The following NLRX1 variants were observed in gnomAD, a reference collection of about 807,000 sequenced individuals.
NLRX1 encodes NLR family member X1.
A neutral mutation model predicts 74.2 loss-of-function variants in NLRX1; 67 were observed. The observed-to-expected ratio is 0.90, with a 90% CI of 0.74 to 1.11. The LOEUF is 1.11. Among genes scored for constraint, NLRX1 ranks in the 50% least tolerant of loss-of-function variants. NLRX1 has a pLI of 0.00. For missense variants in NLRX1, 1,191 were observed against 1,305.4 expected (o/e 0.91, Z 1.35); for synonymous variants, 506 against 559.1 (o/e 0.91, Z 1.34).
At chr11:119,170,662 A>C (rs1948518841) in intron 1 of NLRX1, among the ~76,000 whole-genome samples, 1 of 152,232 alleles carries the variant, frequency 6.6e-6, no homozygotes, top group South Asian at 2.1e-4. Flanking sequence ...ATATCTGCGG[A>C]AGAAAGGCAG....
Position 119,175,259 on chromosome 11 carries a change from C to T in NLRX1, c.1656C>T (p.Leu552=), listed in dbSNP as rs199476048. ...KLLPLRALPL[L]FNLIKVVPRV... ...TGCCTCTGCGGGCTCTGCCTCTGCT[C>T]TTCAACCTGATCAAGGTAACATCCC... The change falls in exon 6 of 10, where the codon CTC becomes CTT. Residue 552 remains leucine (L), a synonymous_variant. Coordinates refer to ENST00000409109, the MANE Select transcript of NLRX1 (RefSeq NM_001282144.2). The T allele has an allele frequency of 7.1e-5, 115 of 1,613,516 alleles. No individual in the cohort carries two copies. In the East Asian group the frequency reaches 2.1e-3, roughly 30 times the overall value.
rs369693127 is a variant in NLRX1 at position 119,175,141 on chromosome 11, C to T, written c.1538C>T (p.Thr513Met). ...ALYIVLGLRK[T>M]TLQKVGKEVA... ...TACATTGTGCTGGGTTTGCGCAAGA[C>T]GACCCTGCAAAAGGTGGGCAAGGAA... Residue 513 changes from threonine (T) to methionine (M), a missense_variant, in exon 6 of 10, where the codon ACG (threonine) becomes ATG (methionine). Transcript: ENST00000409109. 87 of 1,614,210 alleles carry T rather than the reference C, an allele frequency of 5.4e-5. No individual in the cohort carries two copies. In the Middle Eastern group the frequency reaches 6.6e-4, roughly 12 times the overall value.
chr11:119,177,474 A>C (rs1468003620), intron 6 of NLRX1, among the ~76,000 whole-genome samples: 1 of 151,656 alleles, frequency 6.6e-6, no homozygotes, highest in East Asian at 2.0e-4. Context: ...CTAAAAATAC[A>C]AAAATTAGCC....
chr11:119,182,132 T>A lies in NLRX1; in HGVS notation c.2393T>A (p.Val798Glu). The change falls in exon 9 of 10, where the codon GTG becomes GAG. Residue 798 changes from valine to glutamate, a missense_variant. Val to Glu is a moderately radical substitution (Grantham distance 121, BLOSUM62 -2). Transcript: ENST00000409109. ...NNPLTAAGVA[V>E]LMEGLAGNTS... ...CCGCTGACGGCGGCAGGTGTTGCCG[T>A]GCTAATGGAGGGGCTGGCAGGAAAC... 1 of 1,614,072 alleles carries A rather than the reference T, an allele frequency of 6.2e-7. No homozygotes were observed. Among genetic ancestry groups the A allele is most frequent in the Non-Finnish European group, 8.5e-7 (1 of 1,180,012 alleles).
intron 6 of NLRX1, among the ~76,000 whole-genome samples, chr11:119,179,443 C>A (rs768090053): frequency 1.1e-4 from 17 of 152,016 alleles, no homozygotes; most frequent in Admixed American, 3.9e-4. Context: ...TTAGGTGACA[C>A]AGCAAGACCC....
chr11:119,174,783 C>G lies in NLRX1; in HGVS notation c.1180C>G (p.Leu394Val), dbSNP rs758062998. The G allele has an allele frequency of 1.9e-6, 3 of 1,613,884 alleles. No individual in the cohort carries two copies. In the Admixed American group the frequency reaches 5.0e-5, roughly 27 times the overall value. Reference sequence around the variant, plus strand: ...TGCCCCCACGCCTGCTGGGCAGACCCTTACAAGCATCTATACCAGCTTCCT... The same window carrying G: ...TGCCCCCACGCCTGCTGGGCAGACCGTTACAAGCATCTATACCAGCTTCCT... ...LHAPTPAGQT[L>V]TSIYTSFLRL... The change falls in exon 6 of 10, where the codon CTT becomes GTT. Residue 394 changes from leucine to valine, a missense_variant. Leu to Val is a conservative substitution (Grantham distance 32). Coordinates refer to ENST00000409109, the MANE Select transcript of NLRX1 (RefSeq NM_001282144.2).
In NLRX1 at chr11:119,179,563, G is replaced by A. The variant is rs1031720436; in HGVS notation, c.1672-130G>A. On this transcript the variant is annotated intron_variant, in intron 6 of 9. Transcript: ENST00000409109. ...TCGCAGCAGGGGAGTAGCATGATCA[G>A]ACAAATTATGCTAAGTTCAAGGGGA... 9 of 760,130 alleles carry A rather than the reference G, an allele frequency of 1.2e-5. No individual in the cohort carries two copies. The African/African-American group carries it at 1.4e-4, about 12-fold the overall frequency. The allele number at this position is 760,130 out of a possible 1,614,324, so 47.1% of individuals were successfully genotyped here. A position where few individuals can be genotyped will look rare whatever the true frequency, so the allele number is the denominator to read the frequency against.
rs530635946 is a variant in NLRX1, at chr11:119,183,727, C to T, written c.*288C>T. ...TGTGGCATTTGGATGGCCAGAGTGC[C>T]CTGAAGCACCACTACCAACCTTGCC... On this transcript the variant is annotated 3_prime_UTR_variant, in exon 10 of 10. Coordinates refer to ENST00000409109, the MANE Select transcript of NLRX1 (RefSeq NM_001282144.2). The surrounding 1 kb of genome is among the most constrained non-coding windows in gnomAD (Gnocchi z 5.7). 4.0e-4 allele frequency: 309 copies of T among 775,084 alleles called. 5 individuals are homozygous for T. The South Asian group carries it at 4.1e-3, about 10-fold the overall frequency. 48.0% of individuals were successfully genotyped at this position (775,084 alleles called of 1,614,324 possible). A position where few individuals can be genotyped will look rare whatever the true frequency, so the allele number is the denominator to read the frequency against.
chr11:119,174,647 C>T lies in NLRX1; in HGVS notation c.1044C>T (p.Asp348=), dbSNP rs1440991258. ...TCTCTGCCACACCAGCTCAGCGTGA[C>T]CACCTGGTGCAGATGCTCTCCCGGA... ...SGVSATPAQR[D]HLVQMLSRNL... is the part of the protein sequence containing the mutation. Residue 348 remains aspartate, a synonymous_variant, in exon 6 of 10, where the codon GAC becomes GAT. Coordinates refer to ENST00000409109, the MANE Select transcript of NLRX1 (RefSeq NM_001282144.2). The T allele has an allele frequency of 1.2e-6, 2 of 1,614,050 alleles. No individual in the cohort carries two copies. The highest frequency in any genetic ancestry group is 1.1e-5 in the South Asian group (1 of 91,086).
intron 8 of NLRX1, chr11:119,181,478 TA>T: frequency 1.9e-6 from 1 of 536,220 alleles, no homozygotes; most frequent in Non-Finnish European, 3.4e-6. Flanking sequence ...CTCACGTGGC[TA>T]AAATCAGCCT....
rs114603748 is a variant in NLRX1 at position 119,180,360 on chromosome 11, T to G, written c.2267+72T>G. On this transcript the variant is annotated intron_variant, in intron 7 of 9. Transcript: ENST00000409109. ...GAGGTGAAGAAGTGGGAAAAGAAAG[T>G]GCCAGGGAAACCAGAGGTACCGATG... is the stretch of plus-strand genomic sequence containing the variant. 2,376 of 1,286,060 alleles carry G rather than the reference T, an allele frequency of 1.8e-3. 38 individuals carry two copies. The African/African-American group carries it at 0.032, about 17-fold the overall frequency. The allele number at this position is 1,286,060 out of a possible 1,614,324, so 79.7% of individuals were successfully genotyped here.
chr11:119,172,980 T>C lies in NLRX1; in HGVS notation c.220T>C (p.Ser74Pro). 6.2e-7 allele frequency: 1 copy of C among 1,613,320 alleles called. No homozygotes were observed. Among genetic ancestry groups the C allele is most frequent in the Non-Finnish European group, 8.5e-7 (1 of 1,179,558 alleles). ...GCATGGACGGCTGTTCCCCAGCGCCTCTGCAACTGGTAAAGGGACTGGCTG... is the reference window on the plus strand; with the variant it reads ...GCATGGACGGCTGTTCCCCAGCGCCCCTGCAACTGGTAAAGGGACTGGCTG... ...GRHGRLFPSA[S>P]ATEAIQRHRR... The change falls in exon 4 of 10, where the codon TCT becomes CCT. Residue 74 changes from serine to proline, a missense_variant. Ser to Pro is a moderately conservative substitution (Grantham distance 74, BLOSUM62 -1). Transcript: ENST00000409109.
rs950696257 is a variant in NLRX1, at chr11:119,179,882, G to A, written c.1861G>A (p.Glu621Lys). 2 of 1,613,208 alleles carry A rather than the reference G, an allele frequency of 1.2e-6. No homozygotes were observed. The highest frequency in any genetic ancestry group is 1.3e-5 in the African/African-American group (1 of 74,900). Residue 621 changes from glutamate to lysine, a missense_variant, in exon 7 of 10, where the codon GAG becomes AAG. Transcript: ENST00000409109. ...TGAGCCCCCTGAGGATGAAGTCTTCGAGCTCTTCCCCATGTTCATGGGGGG... is the reference window on the plus strand; with the variant it reads ...TGAGCCCCCTGAGGATGAAGTCTTCAAGCTCTTCCCCATGTTCATGGGGGG... ...PDEPPEDEVF[E>K]LFPMFMGGLL...
chr11:119,182,274 CG>C lies in NLRX1; in HGVS notation c.2537del (p.Gly846ValfsTer30). The C allele has an allele frequency of 6.2e-7, 1 of 1,613,664 alleles. No homozygotes were observed. The highest frequency in any genetic ancestry group is 8.5e-7 in the Non-Finnish European group (1 of 1,180,034). Reference protein sequence around the residue: ...QLQELNVAYNGAGDTAALALA... With the variant: ...QLQELNVAYNXAGDTAALALA... ...TGCAGGAGCTGAACGTGGCGTACAACGGTGCTGGTGACACAGCGGCCCTGGC... is the reference window on the plus strand; with the variant it reads ...TGCAGGAGCTGAACGTGGCGTACAACGTGCTGGTGACACAGCGGCCCTGGC... On this transcript the variant is annotated frameshift_variant, in exon 9 of 10. Transcript: ENST00000409109. LOFTEE classifies it high-confidence loss of function.
At chr11:119,182,432 TCTGGGC>T (rs1555222193) in intron 9 of NLRX1, 87 bp downstream of exon 9, 1 of 1,528,938 alleles carries the variant, frequency 6.5e-7, no homozygotes, top group Non-Finnish European at 8.8e-7. Flanking sequence ...AGGGAGTGCT[TCTGGGC>T]CTGGGCCTGG....
intron 6 of NLRX1, among the ~76,000 whole-genome samples, chr11:119,175,943 A>G (rs926490511): frequency 1.3e-5 from 2 of 151,976 alleles, no homozygotes; most frequent in African/African-American, 4.8e-5. Flanking sequence ...TTTTCACATT[A>G]CTCCTGGAAA....
In NLRX1 at chr11:119,182,130, C is replaced by T. The variant is rs766202444; in HGVS notation, c.2391C>T (p.Ala797=). ...SNNPLTAAGV[A]VLMEGLAGNT... ...ACCCGCTGACGGCGGCAGGTGTTGC[C>T]GTGCTAATGGAGGGGCTGGCAGGAA... Residue 797 remains alanine (A), a synonymous_variant, in exon 9 of 10, where the codon GCC becomes GCT. Coordinates refer to ENST00000409109, the MANE Select transcript of NLRX1 (RefSeq NM_001282144.2). 2.0e-5 allele frequency: 33 copies of T among 1,614,158 alleles called. No individual in the cohort carries two copies. Among genetic ancestry groups the T allele is most frequent in the Middle Eastern group, 1.6e-4 (1 of 6,062 alleles).
rs369597533 is a variant in NLRX1 at position 119,184,000 on chromosome 11, C to T, written c.*561C>T. 16 of 737,882 alleles carry T rather than the reference C, an allele frequency of 2.2e-5. No individual in the cohort carries two copies. Among genetic ancestry groups the T allele is most frequent in the South Asian group, 2.9e-5 (2 of 68,642 alleles). 45.7% of individuals were successfully genotyped at this position (737,882 alleles called of 1,614,324 possible). On this transcript the variant is annotated 3_prime_UTR_variant, in exon 10 of 10. Coordinates refer to ENST00000409109, the MANE Select transcript of NLRX1 (RefSeq NM_001282144.2). The surrounding 1 kb of genome is among the most constrained non-coding windows in gnomAD (Gnocchi z 5.7). ...ACCTGACTTGCTGCTATTAAAAAGC[C>T]GTGTGCCTTCTACCAATTGTGGCCT... is the stretch of plus-strand genomic sequence containing the variant.
intron 6 of NLRX1, among the ~76,000 whole-genome samples, chr11:119,178,202 A>G (rs1222559159): frequency 6.6e-6 from 1 of 152,154 alleles, no homozygotes; most frequent in Non-Finnish European, 1.5e-5. Context: ...AAAAAGTAAA[A>G]AAAACCCAGA....
Sources: gnomAD v4.1 joint callset for allele counts (sites outside exome capture counted in the v4.1 genomes callset) on GRCh38, gnomAD v4.1.1 for gene constraint, Gnocchi (gnomAD v3.1) non-coding constraint, MANE v1.5 for transcripts, NCBI Gene and HGNC (gene_info 2026-07-23, HGNC 2026-07-21) for gene names.